The following ZNF804A variants were observed in gnomAD, a reference collection of about 807,000 sequenced individuals.
The protein encoded by ZNF804A is zinc finger protein 804A.
Under a neutral mutation model 16.5 loss-of-function variants are expected in ZNF804A, and 2 were observed. That is an observed-to-expected ratio of 0.12 (90% CI 0.05 to 0.38). ZNF804A has a LOEUF of 0.38. Among genes scored for constraint, ZNF804A ranks in the 10% least tolerant of loss-of-function variants. The pLI is 0.99. For missense variants in ZNF804A, 1,473 were observed against 1,390.7 expected (o/e 1.06, Z -0.94); for synonymous variants, 534 against 489.6 (o/e 1.09, Z -1.20).
intron 1 of ZNF804A, among the ~76,000 whole-genome samples, chr2:184,777,616 A>C (rs1402786702): frequency 6.6e-6 from 1 of 151,654 alleles, no homozygotes; most frequent in Non-Finnish European, 1.5e-5. Context: ...AAAACAAAAG[A>C]AACTCATACA....
chr2:184,809,741 C>T (rs951715189), intron 1 of ZNF804A, among the ~76,000 whole-genome samples: 12 of 151,620 alleles, frequency 7.9e-5, no homozygotes, highest in African/African-American at 2.7e-4. Context: ...TCTATATATG[C>T]GTGTATGAAT....
intron 1 of ZNF804A, among the ~76,000 whole-genome samples, chr2:184,779,965 TA>T (rs1028117073): frequency 2.0e-5 from 3 of 151,734 alleles, no homozygotes; most frequent in African/African-American, 7.3e-5. Context: ...GTCTTCATTA[TA>T]AAAAAATTTC....
At chr2:184,825,712 G>A (rs754847458) in intron 1 of ZNF804A, among the ~76,000 whole-genome samples, 29 of 152,002 alleles carry the variant, frequency 1.9e-4, no homozygotes, top group African/African-American at 1.9e-4. Context: ...ACTGTGGTAT[G>A]GGACAAAATG....
At chr2:184,879,630 G>A (rs190223949) in intron 2 of ZNF804A, among the ~76,000 whole-genome samples, 402 of 152,086 alleles carry the variant, frequency 2.6e-3, no homozygotes, top group Non-Finnish European at 4.2e-3. Context: ...TGTTCAGCAG[G>A]AAAAAGAGTC....
At position 184,937,018 on chromosome 2, in the gene ZNF804A, A is replaced by G. The variant is rs764619169; in HGVS notation, c.1622A>G (p.Asn541Ser). 2 of 1,613,460 alleles carry G rather than the reference A, an allele frequency of 1.2e-6. No individual in the cohort carries two copies. The highest frequency in any genetic ancestry group is 1.7e-6 in the Non-Finnish European group (2 of 1,179,800). Residue 541 changes from asparagine to serine, a missense_variant, in exon 4 of 4, where the codon AAT (asparagine) becomes AGT (serine). Transcript: ENST00000302277. ...TCCAGTAGTTGTGATTCTGGAAAAA[A>G]TGAGAACACAGGTCAGAGGTATAAA... ...ILSSSCDSGK[N>S]ENTGQRYKNI...
intron 2 of ZNF804A, among the ~76,000 whole-genome samples, chr2:184,880,429 C>T (rs556296257): frequency 5.7e-4 from 86 of 151,892 alleles, no homozygotes; most frequent in Middle Eastern, 3.4e-3. Context: ...TTTCACTCAT[C>T]TATGCTTTTT....
intron 1 of ZNF804A, among the ~76,000 whole-genome samples, chr2:184,691,739 G>A (rs141999310): frequency 4.6e-5 from 7 of 151,714 alleles, no homozygotes; most frequent in Admixed American, 2.0e-4. Context: ...AAATTTCTAT[G>A]TCTTTCTAGT....
intron 1 of ZNF804A, among the ~76,000 whole-genome samples, chr2:184,688,346 G>C (rs1443764315): frequency 4.0e-5 from 4 of 99,452 alleles, no homozygotes; most frequent in South Asian, 7.5e-4. Context: ...CTCTCTTTCT[G>C]TGTGTGTGTG....
At chr2:184,606,348 CAG>C (rs1046838007) in intron 1 of ZNF804A, among the ~76,000 whole-genome samples, 4 of 152,064 alleles carry the variant, frequency 2.6e-5, no homozygotes, top group African/African-American at 7.2e-5. Context: ...GAAGTGCAAA[CAG>C]GGGAAATGCC....
intron 1 of ZNF804A, among the ~76,000 whole-genome samples, chr2:184,785,031 G>A (rs1396119394): frequency 6.6e-6 from 1 of 151,846 alleles, no homozygotes; most frequent in African/African-American, 2.4e-5. Flanking sequence ...TGCATGATAC[G>A]TATGTAAAAG....
chr2:184,901,582 G>T (rs1250021760), intron 2 of ZNF804A, among the ~76,000 whole-genome samples: 2 of 152,092 alleles, frequency 1.3e-5, no homozygotes, highest in Non-Finnish European at 2.9e-5. Flanking sequence ...TCCAAATGGT[G>T]AATTTTCATT....
intron 2 of ZNF804A, among the ~76,000 whole-genome samples, chr2:184,911,339 T>C (rs1685354499): frequency 6.6e-6 from 1 of 152,074 alleles, no homozygotes; most frequent in Admixed American, 6.6e-5. Context: ...GTGTTTGTTT[T>C]TGTACCAGTA....
rs74438823 is a variant in ZNF804A at position 184,792,345 on chromosome 2, T to C, written c.112-74024T>C. On this transcript the variant is annotated intron_variant, in intron 1 of 3. Coordinates refer to ENST00000302277, the MANE Select transcript of ZNF804A (RefSeq NM_194250.2). ...TAAGAATTTGGTGTTGTCAATGTTT[T>C]GGACTTTTGCCATTCTAATAGATGT... Among the ~76,000 whole-genome samples, 1,156 of 152,300 alleles carry C rather than the reference T, an allele frequency of 7.6e-3. 17 individuals carry two copies. Among genetic ancestry groups the C allele is most frequent in the African/African-American group, 0.026 (1,100 of 41,580 alleles).
intron 1 of ZNF804A, among the ~76,000 whole-genome samples, chr2:184,727,027 C>T (rs1693424441): frequency 6.6e-6 from 1 of 151,544 alleles, no homozygotes; most frequent in South Asian, 2.1e-4. Flanking sequence ...GGTAATTTAA[C>T]CAAAGTAAAC....
At chr2:184,719,618 G>C (rs1241520712) in intron 1 of ZNF804A, among the ~76,000 whole-genome samples, 1 of 152,094 alleles carries the variant, frequency 6.6e-6, no homozygotes, top group Non-Finnish European at 1.5e-5. Context: ...CAAGTTCAAA[G>C]TTCAACAAAT....
chr2:184,857,198 A>C (rs1695702703), intron 1 of ZNF804A, among the ~76,000 whole-genome samples: 1 of 151,876 alleles, frequency 6.6e-6, no homozygotes, highest in Non-Finnish European at 1.5e-5. Context: ...TTGTTTGAAG[A>C]TAATTTAAAT....
At chr2:184,747,753 C>G (rs1293730002) in intron 1 of ZNF804A, among the ~76,000 whole-genome samples, 2 of 150,764 alleles carry the variant, frequency 1.3e-5, no homozygotes, top group Admixed American at 1.3e-4. Context: ...GTATATTGGA[C>G]TCTGATAGTG....
intron 2 of ZNF804A, among the ~76,000 whole-genome samples, chr2:184,871,140 A>G (rs868725979): frequency 1.5e-4 from 23 of 151,470 alleles, no homozygotes; most frequent in African/African-American, 5.1e-4. Context: ...TTCTTAATTC[A>G]GTTGCTGAGT....
chr2:184,599,804 C>T (rs991914929), intron 1 of ZNF804A, among the ~76,000 whole-genome samples: 2 of 152,158 alleles, frequency 1.3e-5, no homozygotes, highest in Admixed American at 1.3e-4. Flanking sequence ...AAGAGCACTC[C>T]TGATTGGTGG....
Sources: allele counts gnomAD v4.1 joint callset (sites outside exome capture counted in the v4.1 genomes callset), GRCh38; gene constraint gnomAD v4.1.1; transcripts MANE v1.5; gene names NCBI Gene and HGNC (gene_info 2026-07-23, HGNC 2026-07-21).